SLC14A2: variants seen among roughly 807,000 people sequenced by gnomAD.
SLC14A2 encodes solute carrier family 14 member 2, also known as urea transporter 2.
A neutral mutation model predicts 104.6 loss-of-function variants in SLC14A2; 91 were observed. The ratio of observed to expected loss-of-function variants is 0.87; its 90% CI spans 0.73 to 1.04. The LOEUF (loss-of-function observed/expected upper bound fraction) is 1.04. Ranked by LOEUF, SLC14A2 falls within the 50% of genes least tolerant of loss-of-function variation. The probability of loss-of-function intolerance (pLI) is 0.00; values close to 1 mark genes in which losing one functional copy is unlikely to be tolerated. For synonymous variants in SLC14A2, 476 were observed against 466.4 expected, an observed-to-expected ratio of 1.02 and a Z score of -0.27; for missense variants, 1,189 against 1,156.0, an observed-to-expected ratio of 1.03 and a Z score of -0.41.
chr18:45,295,712 C>T (rs892604264), intron 1 of SLC14A2, among the ~76,000 whole-genome samples: 10 of 152,164 alleles, frequency 6.6e-5, no homozygotes, highest in Non-Finnish European at 1.5e-4. Flanking sequence ...ACCTTGATAA[C>T]TGATTTCTGC....
intron 2 of SLC14A2, among the ~76,000 whole-genome samples, chr18:45,588,980 G>T (rs563190235): frequency 7.5e-4 from 114 of 151,686 alleles, no homozygotes; most frequent in Admixed American, 2.2e-3. Context: ...TGGGTGGGGG[G>T]GGGTGTTAAA....
intron 1 of SLC14A2, among the ~76,000 whole-genome samples, chr18:45,414,753 A>ATATAT (rs2086252803): frequency 3.1e-5 from 2 of 64,006 alleles, no homozygotes; most frequent in African/African-American, 1.6e-4. Flanking sequence ...GTAAAAAAAA[A>ATATAT]AAAAATATAT....
In SLC14A2 at chr18:45,635,384, G is replaced by A. The variant is rs577077779; in HGVS notation, c.651-1606G>A. Among the ~76,000 whole-genome samples, 9 of 152,286 alleles carry A rather than the reference G, an allele frequency of 5.9e-5. No homozygotes were observed. In the East Asian group the frequency reaches 1.3e-3, roughly 23 times the overall value. The stretch of plus-strand genomic sequence containing the variant: ...AACATTTAGAAGTCTGGCAAGAGAG[G>A]GGAAAAACCATCAAAAGAGACTAAG... On this transcript the variant is annotated intron_variant, in intron 5 of 19. Transcript: ENST00000255226.
intron 1 of SLC14A2, among the ~76,000 whole-genome samples, chr18:45,244,587 C>T (rs200313244): frequency 6.6e-6 from 1 of 151,886 alleles, no homozygotes. Flanking sequence ...GATTGTCCTA[C>T]TGCACTCCAG....
chr18:45,294,125 A>G (rs545517482), intron 1 of SLC14A2, among the ~76,000 whole-genome samples: 54 of 152,354 alleles, frequency 3.5e-4, no homozygotes, highest in Admixed American at 1.3e-3. Flanking sequence ...GCCTCCACAT[A>G]GAATGAGAGT....
chr18:45,405,637 T>G (rs2086146026), intron 1 of SLC14A2, among the ~76,000 whole-genome samples: 1 of 152,220 alleles, frequency 6.6e-6, no homozygotes, highest in Non-Finnish European at 1.5e-5. Context: ...GTGTGGTGGC[T>G]CTTGCCTGTA....
Position 45,624,676 on chromosome 18 carries a change from C to G in SLC14A2, c.12C>G (p.Pro4=), listed in dbSNP as rs1281964117. Reference sequence around the variant, plus strand: ...TGTGACCCGAAGGAATGTCTGACCCCCACAGCAGTCCTCTCCTGCCAGAGC... The same window carrying G: ...TGTGACCCGAAGGAATGTCTGACCCGCACAGCAGTCCTCTCCTGCCAGAGC... MSD[P]HSSPLLPEPL... Residue 4 remains proline (P), a synonymous_variant, in exon 2 of 20, where the codon CCC becomes CCG. Coordinates refer to ENST00000255226, the MANE Select transcript of SLC14A2 (RefSeq NM_007163.4). 6.2e-7 allele frequency: 1 copy of G among 1,611,730 alleles called. No individual in the cohort carries two copies.
chr18:45,363,677 CAG>C lies in SLC14A2; in HGVS notation c.-124-119553_-124-119552del, dbSNP rs375863754. On this transcript the variant is annotated intron_variant, in intron 1 of 20. Transcript: ENST00000586448. ...CTTAGAAGTGGAAGATGGAGAAACTCAGAGGTTTATTCCTGAATGACATGGAT... is the reference window on the plus strand; with the variant it reads ...CTTAGAAGTGGAAGATGGAGAAACTCAGGTTTATTCCTGAATGACATGGAT... Among the ~76,000 whole-genome samples, 18 of 152,330 alleles carry C rather than the reference CAG, an allele frequency of 1.2e-4. No homozygotes were observed. In the South Asian group the frequency reaches 3.7e-3, roughly 32 times the overall value.
chr18:45,642,313 G>A (rs1232356278), intron 8 of SLC14A2, among the ~76,000 whole-genome samples: 1 of 152,190 alleles, frequency 6.6e-6, no homozygotes, highest in Non-Finnish European at 1.5e-5. Flanking sequence ...TGGAGACAGT[G>A]GACCTAGTAA....
At chr18:45,384,503 C>T (rs1044764881) in intron 1 of SLC14A2, among the ~76,000 whole-genome samples, 2 of 152,174 alleles carry the variant, frequency 1.3e-5, no homozygotes, top group Non-Finnish European at 2.9e-5. Context: ...TTTCTTAGGG[C>T]TGCAGGGGAC....
chr18:45,679,529 G>T (rs2046282196), intron 19 of SLC14A2, among the ~76,000 whole-genome samples: 1 of 152,186 alleles, frequency 6.6e-6, no homozygotes, highest in Non-Finnish European at 1.5e-5. Flanking sequence ...CCAGTGTAGG[G>T]TGATGTGTGA....
intron 2 of SLC14A2, among the ~76,000 whole-genome samples, chr18:45,486,658 A>G (rs1389308476): frequency 6.6e-6 from 1 of 152,214 alleles, no homozygotes; most frequent in Non-Finnish European, 1.5e-5. Flanking sequence ...AAATCAACAT[A>G]AAGACAGACC....
intron 1 of SLC14A2, among the ~76,000 whole-genome samples, chr18:45,288,729 C>T (rs974328759): frequency 6.6e-6 from 1 of 152,190 alleles, no homozygotes; most frequent in Non-Finnish European, 1.5e-5. Flanking sequence ...ACTGACAGAG[C>T]GTCATTCTGC....
intron 1 of SLC14A2, among the ~76,000 whole-genome samples, chr18:45,277,996 C>T (rs576571329): frequency 6.6e-6 from 1 of 152,320 alleles, no homozygotes; most frequent in South Asian, 2.1e-4. Flanking sequence ...TATAACTGAA[C>T]TCATGCAGGA....
chr18:45,592,350 A>G (rs1289780580), intron 2 of SLC14A2, among the ~76,000 whole-genome samples: 1 of 152,178 alleles, frequency 6.6e-6, no homozygotes, highest in Non-Finnish European at 1.5e-5. Flanking sequence ...TGGATGTCTC[A>G]GTATTCTGAT....
intron 2 of SLC14A2, chr18:45,549,906 C>G (rs72904408): frequency 0.09 from 13,686 of 151,858 alleles, 758 homozygotes; most frequent in Non-Finnish European, 0.12. Flanking sequence ...AAAAATTGAC[C>G]AAAGTCATGA....
intron 1 of SLC14A2, among the ~76,000 whole-genome samples, chr18:45,480,165 T>A (rs1358261037): frequency 1.3e-5 from 2 of 152,202 alleles, no homozygotes; most frequent in African/African-American, 4.8e-5. Context: ...ATAATAGGTT[T>A]TGAGAAGTGT....
At chr18:45,639,013 C>T (rs12454490) in intron 6 of SLC14A2, among the ~76,000 whole-genome samples, 1 of 152,214 alleles carries the variant, frequency 6.6e-6, no homozygotes, top group South Asian at 2.1e-4. Context: ...CAAACAAATT[C>T]TCCCCAATTC....
At chr18:45,170,302 A>G in the SLC14A2 span, among the ~76,000 whole-genome samples, 1 of 152,134 alleles carries the variant, frequency 6.6e-6, no homozygotes, top group Non-Finnish European at 1.5e-5. Context: ...CATTAGAGAC[A>G]GAAGCAGAAG....
Sources: gnomAD v4.1 joint callset for allele counts (sites outside exome capture counted in the v4.1 genomes callset) on GRCh38, gnomAD v4.1.1 for gene constraint, MANE v1.5 for transcripts, NCBI Gene and HGNC (gene_info 2026-07-23, HGNC 2026-07-21) for gene names.